The following RNF214 variants were observed in gnomAD, a reference collection of about 807,000 sequenced individuals.
RNF214 encodes the protein ring finger protein 214.
In RNF214, 25 loss-of-function variants were observed where a neutral mutation model predicts 75.9. The observed-to-expected ratio is 0.33, with a 90% CI of 0.24 to 0.46. RNF214 has a LOEUF of 0.46. Ranked by LOEUF, RNF214 falls within the 20% of genes least tolerant of loss-of-function variation. The probability of loss-of-function intolerance (pLI) is 1.00; values close to 1 mark genes in which losing one functional copy is unlikely to be tolerated. For missense variants in RNF214, 725 were observed against 857.5 expected (o/e 0.85, Z 1.93); for synonymous variants, 314 against 308.8 (o/e 1.02, Z -0.18).
At chr11:117,270,176 T>C (rs1377275403) in intron 6 of RNF214, among the ~76,000 whole-genome samples, 2 of 151,746 alleles carry the variant, frequency 1.3e-5, no homozygotes, top group Non-Finnish European at 1.5e-5. Context: ...TGGGGGAAGG[T>C]TGGAGATAGA....
chr11:117,285,967 GA>G lies in RNF214; in HGVS notation c.*818del, dbSNP rs1285597549. On this transcript the variant is annotated 3_prime_UTR_variant, in exon 15 of 15. Transcript: ENST00000300650. ...TCAAGCTCTGACAGGCCAACATTGTGAAGTCCTCACCCTTTCCCATTCACTT... is the reference window on the plus strand; with the variant it reads ...TCAAGCTCTGACAGGCCAACATTGTGAGTCCTCACCCTTTCCCATTCACTT... 5 of 152,698 alleles carry G rather than the reference GA, an allele frequency of 3.3e-5. No homozygotes were observed. In the South Asian group the frequency reaches 8.3e-4, roughly 25 times the overall value. The allele number at this position is 152,698 out of a possible 1,614,324, so 9.5% of individuals were successfully genotyped here.
chr11:117,269,642 C>T (rs1027289325), intron 6 of RNF214, among the ~76,000 whole-genome samples: 17 of 152,286 alleles, frequency 1.1e-4, no homozygotes, highest in African/African-American at 3.1e-4. Context: ...GGATTACAGG[C>T]GTGAGCCACT....
intron 6 of RNF214, among the ~76,000 whole-genome samples, chr11:117,266,521 G>A (rs922400172): frequency 2.0e-5 from 3 of 152,088 alleles, no homozygotes; most frequent in Non-Finnish European, 2.9e-5. Context: ...CACCATGTCT[G>A]GCTAATTTTT....
intron 6 of RNF214, among the ~76,000 whole-genome samples, chr11:117,262,707 T>TTTGTGTGTGTG (rs113477136): frequency 6.8e-6 from 1 of 147,644 alleles, no homozygotes; most frequent in African/African-American, 2.5e-5. Flanking sequence ...TTGAGGAACG[T>TTTGTGTGTGTG]TGTGTGTGTG....
chr11:117,280,294 T>C (rs771197242), intron 8 of RNF214, 35 bp downstream of exon 8: 2 of 1,391,488 alleles, frequency 1.4e-6, no homozygotes, highest in Non-Finnish European at 2.0e-6. Context: ...TTTAATTGTT[T>C]TGCAGTTTGT....
At chr11:117,279,882 C>T (rs775794800) in intron 6 of RNF214, 26 bp from the exon 7 acceptor site, 3 of 1,557,420 alleles carry the variant, frequency 1.9e-6, no homozygotes, top group South Asian at 1.2e-5. Context: ...CTTCCTTAGT[C>T]TTGTTCTTGG....
At chr11:117,274,356 C>CTTTTTTTTTTT (rs11461326) in intron 6 of RNF214, among the ~76,000 whole-genome samples, 1 of 79,478 alleles carries the variant, frequency 1.3e-5, no homozygotes. Context: ...CAAATGACTT[C>CTTTTTTTTTTT]TTTTTTTTTT....
At chr11:117,256,256 C>T (rs909086297) in intron 6 of RNF214, among the ~76,000 whole-genome samples, 2 of 152,142 alleles carry the variant, frequency 1.3e-5, no homozygotes, top group African/African-American at 4.8e-5. Context: ...CTGCTTTCAC[C>T]ATTATATAGT....
intron 1 of RNF214, among the ~76,000 whole-genome samples, 162 bp from the exon 2 acceptor site, chr11:117,234,105 A>G (rs2032829469): frequency 6.6e-6 from 1 of 152,222 alleles, no homozygotes; most frequent in African/African-American, 2.4e-5. Flanking sequence ...GACTTTGCAT[A>G]CAATGTCTCT....
At position 117,280,055 on chromosome 11, in the gene RNF214, G is replaced by C. The variant is rs762275474; in HGVS notation, c.1056+51G>C. On this transcript the variant is annotated intron_variant, in intron 7 of 14. Transcript: ENST00000300650. ...AAGTCTTAGTTTCAGGCTTCCAGAT[G>C]GTATCTACTTTTGGCATTGTAATAG... 21 of 1,536,186 alleles carry C rather than the reference G, an allele frequency of 1.4e-5. 1 individual carries two copies. In the Middle Eastern group the frequency reaches 6.8e-4, roughly 50 times the overall value.
chr11:117,246,726 A>G, intron 5 of RNF214, 83 bp from the exon 6 acceptor site: 2 of 1,328,884 alleles, frequency 1.5e-6, no homozygotes, highest in Admixed American at 2.5e-5. Flanking sequence ...TGAATTTGTG[A>G]TAGTTGAAAA....
In RNF214 at chr11:117,267,255, C is replaced by T. The variant is rs186151784; in HGVS notation, c.960-12653C>T. On this transcript the variant is annotated intron_variant, in intron 6 of 14. Coordinates refer to ENST00000300650, the MANE Select transcript of RNF214 (RefSeq NM_207343.4). The stretch of plus-strand genomic sequence containing the variant: ...AAAAGGCAAAATTTTGATGAAGTCT[C>T]GCTTGCCAGTTTTTGTTGTGGTTCA... 6.6e-5 allele frequency among the ~76,000 whole-genome samples: 10 copies of T among 152,292 alleles called. No individual in the cohort carries two copies. In the East Asian group the frequency reaches 1.7e-3, roughly 26 times the overall value.
intron 6 of RNF214, among the ~76,000 whole-genome samples, chr11:117,271,134 A>G (rs905084345): frequency 6.6e-6 from 1 of 152,028 alleles, no homozygotes; most frequent in Non-Finnish European, 1.5e-5. Flanking sequence ...TCCTGTGTTC[A>G]AGTGATCCGC....
chr11:117,279,276 C>T (rs1591841718), intron 6 of RNF214, among the ~76,000 whole-genome samples: 1 of 141,296 alleles, frequency 7.1e-6, no homozygotes, highest in Admixed American at 7.1e-5. Context: ...AAGATGCAGT[C>T]TTTTTCCTGC....
rs143345365 is a variant in RNF214, at chr11:117,237,538, G to A, written c.108-1063G>A. ...GGGGTCAAAGAAATTAAACATAGGC[G>A]TAATTCCTGGGTGAAAGATGTGCAA... On this transcript the variant is annotated intron_variant, in intron 2 of 14. Transcript: ENST00000300650. Among the ~76,000 whole-genome samples, 97 of 152,232 alleles carry A rather than the reference G, an allele frequency of 6.4e-4. 1 individual carries two copies. The highest frequency in any genetic ancestry group is 2.1e-3 in the African/African-American group (87 of 41,558).
At chr11:117,250,342 G>A (rs1299366095) in intron 6 of RNF214, among the ~76,000 whole-genome samples, 1 of 152,148 alleles carries the variant, frequency 6.6e-6, no homozygotes, top group Non-Finnish European at 1.5e-5. Flanking sequence ...TAGTGACTAC[G>A]TGTTAAGTAA....
chr11:117,234,975 T>C (rs1308282199), intron 2 of RNF214, among the ~76,000 whole-genome samples: 1 of 152,106 alleles, frequency 6.6e-6, no homozygotes, highest in African/African-American at 2.4e-5. Flanking sequence ...ATTAAAAAGA[T>C]AAAAAATAAA....
intron 8 of RNF214, among the ~76,000 whole-genome samples, chr11:117,281,099 C>G (rs967790759): frequency 2.0e-5 from 3 of 151,238 alleles, no homozygotes; most frequent in Non-Finnish European, 2.9e-5. Flanking sequence ...CTCAGCCTGC[C>G]AAGTAGCTGG....
At position 117,235,787 on chromosome 11, in the gene RNF214, A is replaced by G. The variant is rs183978000; in HGVS notation, c.107+1408A>G. 2.0e-5 allele frequency among the ~76,000 whole-genome samples: 3 copies of G among 152,222 alleles called. No individual in the cohort carries two copies. In the East Asian group the frequency reaches 5.8e-4, roughly 29 times the overall value. Reference sequence around the variant, plus strand: ...ATGGACACGATAATTGTACGTATTCATGGGGGTACATAGTGATGTTGTGGT... The same window carrying G: ...ATGGACACGATAATTGTACGTATTCGTGGGGGTACATAGTGATGTTGTGGT... On this transcript the variant is annotated intron_variant, in intron 2 of 14. Transcript: ENST00000300650.
Sources: allele counts gnomAD v4.1 joint callset (sites outside exome capture counted in the v4.1 genomes callset), GRCh38; gene constraint gnomAD v4.1.1; transcripts MANE v1.5; gene names NCBI Gene and HGNC (gene_info 2026-07-23, HGNC 2026-07-21).